Variants in NALF1 observed in about 807,000 individuals in gnomAD.
The protein encoded by NALF1 is family with sequence similarity 155 member A.
A neutral mutation model predicts 48.4 loss-of-function variants in NALF1; 3 were observed. The observed-to-expected ratio is 0.06, with a 90% CI of 0.03 to 0.16. NALF1 has a LOEUF of 0.16. Ranked by LOEUF, NALF1 falls within the 10% of genes least tolerant of loss-of-function variation. The probability of loss-of-function intolerance (pLI) is 1.00; values close to 1 mark genes in which losing one functional copy is unlikely to be tolerated. For missense variants in NALF1, 526 were observed against 571.5 expected (o/e 0.92, Z 0.81); for synonymous variants, 262 against 245.7 (o/e 1.07, Z -0.62).
chr13:107,485,913 T>C (rs1195001388), intron 1 of NALF1, among the ~76,000 whole-genome samples: 1 of 152,238 alleles, frequency 6.6e-6, no homozygotes, highest in East Asian at 1.9e-4. Context: ...TCACTTCTTT[T>C]CGTTAATTCT....
chr13:107,642,905 A>G (rs574840531), intron 1 of NALF1, among the ~76,000 whole-genome samples: 1 of 152,292 alleles, frequency 6.6e-6, no homozygotes, highest in East Asian at 1.9e-4. Context: ...CTGTTTCAGG[A>G]AAAGGAGCTG....
intron 1 of NALF1, among the ~76,000 whole-genome samples, chr13:107,624,250 C>G (rs1236023806): frequency 6.6e-6 from 1 of 152,124 alleles, no homozygotes; most frequent in African/African-American, 2.4e-5. Flanking sequence ...TAATGTTCTT[C>G]TACTAAGCCA....
intron 1 of NALF1, among the ~76,000 whole-genome samples, chr13:107,221,398 C>T (rs975914163): frequency 1.3e-5 from 2 of 152,020 alleles, no homozygotes; most frequent in Non-Finnish European, 2.9e-5. Flanking sequence ...GCCAACCTGG[C>T]AAAACTCTGT....
intron 1 of NALF1, among the ~76,000 whole-genome samples, chr13:107,783,131 C>G (rs1416487102): frequency 3.0e-5 from 4 of 131,614 alleles, no homozygotes; most frequent in African/African-American, 1.2e-4. Flanking sequence ...TGCCCGGCCG[C>G]CCCTACTGGG....
intron 1 of NALF1, among the ~76,000 whole-genome samples, chr13:107,315,492 ATACT>A (rs1882130122): frequency 6.6e-6 from 1 of 152,112 alleles, no homozygotes. Flanking sequence ...TTTCTCTTGG[ATACT>A]TACTTTGTCA....
intron 1 of NALF1, among the ~76,000 whole-genome samples, chr13:107,265,719 G>T (rs563164304): frequency 4.2e-4 from 63 of 150,534 alleles, no homozygotes; most frequent in Non-Finnish European, 6.4e-4. Flanking sequence ...TTTTTTTTTT[G>T]TTTTTTAATG....
intron 1 of NALF1, among the ~76,000 whole-genome samples, chr13:107,652,573 G>C (rs1310158269): frequency 6.6e-6 from 1 of 151,996 alleles, no homozygotes; most frequent in Non-Finnish European, 1.5e-5. Context: ...CCAAAGGATG[G>C]TGCCCATCCC....
intron 1 of NALF1, among the ~76,000 whole-genome samples, chr13:107,649,964 A>G (rs1277803048): frequency 6.6e-6 from 1 of 152,202 alleles, no homozygotes. Flanking sequence ...CTTGTAAGTT[A>G]CTTTGGCCAA....
At chr13:107,433,453 T>A (rs1884415280) in intron 1 of NALF1, among the ~76,000 whole-genome samples, 1 of 152,168 alleles carries the variant, frequency 6.6e-6, no homozygotes, top group African/African-American at 2.4e-5. Flanking sequence ...AGTTACAGAT[T>A]ATGGAAAGGA....
At chr13:107,459,660 G>A (rs953187659) in intron 1 of NALF1, among the ~76,000 whole-genome samples, 9 of 152,156 alleles carry the variant, frequency 5.9e-5, no homozygotes, top group South Asian at 2.1e-4. Context: ...CAGAGCTTAC[G>A]TCTCCTGGAG....
At chr13:107,425,957 C>G (rs1884272444) in intron 1 of NALF1, among the ~76,000 whole-genome samples, 2 of 152,118 alleles carry the variant, frequency 1.3e-5, no homozygotes, top group Admixed American at 1.3e-4. Flanking sequence ...TTGGATATCT[C>G]TCTGTACTTT....
chr13:107,174,441 T>C (rs1878873613), intron 2 of NALF1, among the ~76,000 whole-genome samples: 1 of 151,796 alleles, frequency 6.6e-6, no homozygotes, highest in African/African-American at 2.4e-5. Context: ...CTGCAAGCTC[T>C]GCCTCCCGGG....
intron 1 of NALF1, among the ~76,000 whole-genome samples, chr13:107,588,759 G>C (rs1878525496): frequency 6.6e-6 from 1 of 151,936 alleles, no homozygotes; most frequent in Non-Finnish European, 1.5e-5. Context: ...TCACGTCAGT[G>C]GCATTCTGCA....
chr13:107,724,585 A>T (rs1464093004), intron 1 of NALF1, among the ~76,000 whole-genome samples: 6 of 146,706 alleles, frequency 4.1e-5, no homozygotes, highest in African/African-American at 1.3e-4. Flanking sequence ...TTTTTGAGAC[A>T]GGGTCTCACT....
intron 1 of NALF1, among the ~76,000 whole-genome samples, chr13:107,834,440 A>G (rs1427404367): frequency 6.6e-6 from 1 of 152,164 alleles, no homozygotes; most frequent in Non-Finnish European, 1.5e-5. Context: ...GAGTATGGGG[A>G]AAAAATGAAT....
intron 1 of NALF1, among the ~76,000 whole-genome samples, chr13:107,647,073 G>A (rs985024331): frequency 6.6e-5 from 10 of 151,890 alleles, no homozygotes; most frequent in Non-Finnish European, 1.5e-4. Flanking sequence ...CAAAAGTTTG[G>A]AAATATCCTA....
At chr13:107,810,822 T>C (rs1340954554) in intron 1 of NALF1, among the ~76,000 whole-genome samples, 2 of 152,120 alleles carry the variant, frequency 1.3e-5, no homozygotes, top group East Asian at 1.9e-4. Context: ...GAACTAGATC[T>C]TCAAAGTCTC....
intron 1 of NALF1, among the ~76,000 whole-genome samples, chr13:107,664,765 G>A (rs111753682): frequency 1.3e-5 from 2 of 152,098 alleles, no homozygotes; most frequent in African/African-American, 4.8e-5. Context: ...TTTTAATCCA[G>A]TGAGATACTA....
chr13:107,219,276 T>C (rs1449219223), intron 1 of NALF1, among the ~76,000 whole-genome samples: 1 of 152,222 alleles, frequency 6.6e-6, no homozygotes, highest in Non-Finnish European at 1.5e-5. Flanking sequence ...GTATTACATG[T>C]CCTCTAAACA....
Sources: allele counts gnomAD v4.1 joint callset (sites outside exome capture counted in the v4.1 genomes callset), GRCh38; gene constraint gnomAD v4.1.1; transcripts MANE v1.5; gene names NCBI Gene and HGNC (gene_info 2026-07-23, HGNC 2026-07-21).